Variants in GPR39 observed in about 807,000 individuals in gnomAD.
GPR39 encodes zinc sensing receptor.
GPR39 carries 23 observed loss-of-function variants against 18.4 expected under a neutral mutation model. The observed-to-expected ratio is 1.25, with a 90% confidence interval of 0.90 to 1.77. The LOEUF is 1.77. Ranked by LOEUF, GPR39 falls within the 40% of genes most tolerant of loss-of-function variation. GPR39 has a pLI of 0.00. For synonymous variants in GPR39, 280 were observed against 257.9 expected (o/e 1.09, Z -0.82); for missense variants, 647 against 602.4 (o/e 1.07, Z -0.78).
At chr2:132,569,075 A>G (rs1228820490) in intron 1 of GPR39, among the ~76,000 whole-genome samples, 1 of 152,120 alleles carries the variant, frequency 6.6e-6, no homozygotes, top group Non-Finnish European at 1.5e-5. Flanking sequence ...GGTTGTTGCT[A>G]TGGTTCCATT....
chr2:132,588,040 T>C (rs972598580), intron 1 of GPR39, among the ~76,000 whole-genome samples: 2 of 152,034 alleles, frequency 1.3e-5, no homozygotes, highest in African/African-American at 4.8e-5. Flanking sequence ...ACTCATGGAG[T>C]ATAGGATCTT....
intron 1 of GPR39, among the ~76,000 whole-genome samples, chr2:132,443,680 C>G (rs1389086876): frequency 6.6e-6 from 1 of 152,200 alleles, no homozygotes; most frequent in African/African-American, 2.4e-5. Context: ...TCTGAATTAA[C>G]AGAACACCCA....
intron 1 of GPR39, among the ~76,000 whole-genome samples, chr2:132,607,827 T>C (rs1284652613): frequency 2.6e-5 from 4 of 152,228 alleles, no homozygotes; most frequent in African/African-American, 9.7e-5. Flanking sequence ...ATTTTTAATT[T>C]TACGCTCTTG....
intron 1 of GPR39, among the ~76,000 whole-genome samples, chr2:132,618,127 CTGGAAAAAGAAGACATTCCCTAAGTTAAG>C (rs1333127765): frequency 5.9e-5 from 9 of 152,154 alleles, no homozygotes; most frequent in Admixed American, 3.9e-4. Context: ...TTAACAGAAG[CTGGAAAAAGAAGACATTCCCTAAGTTAAG>C]TGGAAAAAGA....
chr2:132,530,470 G>A (rs561097921), intron 1 of GPR39, among the ~76,000 whole-genome samples: 1 of 152,250 alleles, frequency 6.6e-6, no homozygotes, highest in South Asian at 2.1e-4. Flanking sequence ...ATCTAGCAAG[G>A]CAGGCCAACA....
At chr2:132,569,106 C>G (rs765040076) in intron 1 of GPR39, among the ~76,000 whole-genome samples, 1 of 152,076 alleles carries the variant, frequency 6.6e-6, no homozygotes, top group Admixed American at 6.5e-5. Context: ...AGCACAGTAC[C>G]TGGCACGTTG....
At chr2:132,477,345 G>A (rs1342241364) in intron 1 of GPR39, among the ~76,000 whole-genome samples, 1 of 152,090 alleles carries the variant, frequency 6.6e-6, no homozygotes, top group Non-Finnish European at 1.5e-5. Context: ...GGAGGACAGG[G>A]GTGGGAGACA....
intron 1 of GPR39, among the ~76,000 whole-genome samples, chr2:132,525,723 G>T (rs1679496179): frequency 6.6e-6 from 1 of 152,234 alleles, no homozygotes; most frequent in African/African-American, 2.4e-5. Context: ...CTAGCTGGCA[G>T]TGGAGGCACA....
chr2:132,604,261 TGATA>T (rs1236444230), intron 1 of GPR39, among the ~76,000 whole-genome samples: 1 of 152,134 alleles, frequency 6.6e-6, no homozygotes, highest in African/African-American at 2.4e-5. Context: ...TCTGGGCACA[TGATA>T]GATGTCTATC....
chr2:132,560,757 A>G (rs1389431966), intron 1 of GPR39, among the ~76,000 whole-genome samples: 1 of 151,860 alleles, frequency 6.6e-6, no homozygotes, highest in East Asian at 1.9e-4. Context: ...CCTCTCTCCA[A>G]ACATCCTGCG....
chr2:132,608,519 C>A (rs1681180742), intron 1 of GPR39, among the ~76,000 whole-genome samples: 1 of 152,220 alleles, frequency 6.6e-6, no homozygotes, highest in South Asian at 2.1e-4. Flanking sequence ...TGTCAAATAG[C>A]TGTTTACAGT....
chr2:132,615,455 A>C lies in GPR39; in HGVS notation c.857-29646A>C, dbSNP rs142377661. 5.6e-3 allele frequency among the ~76,000 whole-genome samples: 859 copies of C among 152,280 alleles called. 10 individuals carry two copies. Among genetic ancestry groups the C allele is most frequent in the African/African-American group, 0.019 (794 of 41,572 alleles). ...CTAAAAACTTTATTTCACCCCATGCAGAAGGGCTGAGCAGCAGAGCAGCTC... is the reference window on the plus strand; with the variant it reads ...CTAAAAACTTTATTTCACCCCATGCCGAAGGGCTGAGCAGCAGAGCAGCTC... On this transcript the variant is annotated intron_variant, in intron 1 of 1. Transcript: ENST00000329321.
Position 132,492,634 on chromosome 2 carries a change from CA to C in GPR39, c.856+74737del, listed in dbSNP as rs1558814482. Among the ~76,000 whole-genome samples, 895 of 137,210 alleles carry C rather than the reference CA, an allele frequency of 6.5e-3. 31 individuals carry two copies. Among genetic ancestry groups the C allele is most frequent in the African/African-American group, 0.024 (851 of 35,858 alleles). The allele number at this position is 137,210 out of a possible 152,430, so 90.0% of individuals were successfully genotyped here. A position where few individuals can be genotyped will look rare whatever the true frequency, so the allele number is the denominator to read the frequency against. ...ACCATCTATATATACAATATATATACACACCATCTATATATAATATATATAC... is the reference window on the plus strand; with the variant it reads ...ACCATCTATATATACAATATATATACCACCATCTATATATAATATATATAC... On this transcript the variant is annotated intron_variant, in intron 1 of 1. Transcript: ENST00000329321.
At chr2:132,439,143 A>G (rs894678560) in intron 1 of GPR39, among the ~76,000 whole-genome samples, 4 of 152,224 alleles carry the variant, frequency 2.6e-5, no homozygotes, top group African/African-American at 7.2e-5. Context: ...GGCCATTCGT[A>G]ACAAGCATTA....
chr2:132,431,293 T>C (rs1277128307), intron 1 of GPR39, among the ~76,000 whole-genome samples: 1 of 152,246 alleles, frequency 6.6e-6, no homozygotes, highest in Non-Finnish European at 1.5e-5. Flanking sequence ...TAATATGATA[T>C]TGGCCTTAAG....
chr2:132,440,005 G>A (rs977302519), intron 1 of GPR39, among the ~76,000 whole-genome samples: 2 of 152,140 alleles, frequency 1.3e-5, no homozygotes, highest in Admixed American at 6.5e-5. Flanking sequence ...GGGTTCCATC[G>A]AAACATGACA....
chr2:132,580,273 G>A (rs1680599679), intron 1 of GPR39, among the ~76,000 whole-genome samples: 1 of 152,220 alleles, frequency 6.6e-6, no homozygotes, highest in African/African-American at 2.4e-5. Flanking sequence ...GTTGGATTAA[G>A]GGATGGAGCC....
chr2:132,570,821 T>G (rs1265120206), intron 1 of GPR39, among the ~76,000 whole-genome samples: 2 of 152,140 alleles, frequency 1.3e-5, no homozygotes, highest in Non-Finnish European at 2.9e-5. Context: ...TGGGTGTGGC[T>G]CTGCAGCACC....
intron 1 of GPR39, among the ~76,000 whole-genome samples, chr2:132,456,868 C>T (rs1680737850): frequency 6.6e-6 from 1 of 152,220 alleles, no homozygotes; most frequent in Non-Finnish European, 1.5e-5. Context: ...TGATGGGCTT[C>T]CCTTTGTGGA....
Sources: allele counts gnomAD v4.1 joint callset (sites outside exome capture counted in the v4.1 genomes callset), GRCh38; gene constraint gnomAD v4.1.1; transcripts MANE v1.5; gene names NCBI Gene and HGNC (gene_info 2026-07-23, HGNC 2026-07-21).